The following GMPS variants were observed in gnomAD, a reference collection of about 807,000 sequenced individuals.
GMPS encodes guanosine monophosphate synthase, also known as GMP synthase [glutamine-hydrolyzing].
A neutral mutation model predicts 77.9 loss-of-function variants in GMPS; 15 were observed. The observed-to-expected ratio is 0.19, with a 90% CI of 0.13 to 0.30. The LOEUF is 0.30. GMPS is among the 10% of genes least tolerant of loss of function. The pLI, the probability that GMPS is intolerant of heterozygous loss-of-function variation, is 1.00. For missense variants in GMPS, 590 were observed against 838.8 expected, an observed-to-expected ratio of 0.70 and a Z score of 3.66; for synonymous variants, 224 against 275.9, an observed-to-expected ratio of 0.81 and a Z score of 1.86.
chr3:155,926,084 G>A (rs553019082), intron 12 of GMPS, among the ~76,000 whole-genome samples: 9 of 152,238 alleles, frequency 5.9e-5, no homozygotes, highest in African/African-American at 1.9e-4. Flanking sequence ...TGATCATGGC[G>A]TACTGTAGCC....
At position 155,940,452 on chromosome 3, in the gene GMPS, A is replaced by AG. The variant is rs3830519; in HGVS notation, c.*2760_*2761insG. On this transcript the variant is annotated 3_prime_UTR_variant, in exon 16 of 16. Coordinates refer to ENST00000496455, the MANE Select transcript of GMPS (RefSeq NM_003875.3). ...CATTTAGTCAAACAAGCATCATAAA[A>AG]TTTGTTTCCTCACTGTTTGGGCTTA... The AG allele has an allele frequency of 0.058, 12,213 of 210,922 alleles. 506 individuals carry two copies. Among genetic ancestry groups the AG allele is most frequent in the South Asian group, 0.17 (913 of 5,356 alleles). 13.1% of individuals were successfully genotyped at this position (210,922 alleles called of 1,614,324 possible).
At chr3:155,933,479 T>C (rs906544431) in intron 13 of GMPS, among the ~76,000 whole-genome samples, 31 of 152,188 alleles carry the variant, frequency 2.0e-4, no homozygotes, top group Admixed American at 2.0e-3. Flanking sequence ...CCTGTAAAGA[T>C]CTTTTATGAA....
intron 2 of GMPS, among the ~76,000 whole-genome samples, chr3:155,896,394 T>C (rs538989788): frequency 2.0e-5 from 3 of 152,320 alleles, no homozygotes; most frequent in Admixed American, 1.3e-4. Context: ...ATCTTAAATA[T>C]CATTTTTATC....
rs540531000 is a variant in GMPS at position 155,938,119 on chromosome 3, T to G, written c.*427T>G. 4.4e-6 allele frequency: 1 copy of G among 227,866 alleles called. No homozygotes were observed. The highest frequency in any genetic ancestry group is 5.6e-5 in the Admixed American group (1 of 17,850). The allele number at this position is 227,866 out of a possible 1,614,324, so 14.1% of individuals were successfully genotyped here. A position where few individuals can be genotyped will look rare whatever the true frequency, so the allele number is the denominator to read the frequency against. ...TTATATATACTTTTTGGAGAATCAGTTTTCTTATAAGTAATCTTATTTCTC... is the reference window on the plus strand; with the variant it reads ...TTATATATACTTTTTGGAGAATCAGGTTTCTTATAAGTAATCTTATTTCTC... On this transcript the variant is annotated 3_prime_UTR_variant, in exon 16 of 16. Coordinates refer to ENST00000496455, the MANE Select transcript of GMPS (RefSeq NM_003875.3).
chr3:155,882,901 T>C (rs1205288869), intron 1 of GMPS, among the ~76,000 whole-genome samples: 1 of 152,204 alleles, frequency 6.6e-6, no homozygotes, highest in Non-Finnish European at 1.5e-5. Context: ...TTTTCAGATT[T>C]TATTCATTAT....
intron 2 of GMPS, among the ~76,000 whole-genome samples, chr3:155,896,456 T>C (rs759322748): frequency 6.6e-6 from 1 of 152,206 alleles, no homozygotes; most frequent in Non-Finnish European, 1.5e-5. Flanking sequence ...CACTAACAAA[T>C]GTTTACCACA....
chr3:155,870,692 C>A lies in GMPS; in HGVS notation c.-179C>A, dbSNP rs963195542. 2 of 520,202 alleles carry A rather than the reference C, an allele frequency of 3.8e-6. No individual in the cohort carries two copies. The highest frequency in any genetic ancestry group is 6.8e-6 in the Non-Finnish European group (2 of 293,458). The allele number at this position is 520,202 out of a possible 1,614,324, so 32.2% of individuals were successfully genotyped here. A position where few individuals can be genotyped will look rare whatever the true frequency, so the allele number is the denominator to read the frequency against. On this transcript the variant is annotated 5_prime_UTR_variant, in exon 1 of 16. Coordinates refer to ENST00000496455, the MANE Select transcript of GMPS (RefSeq NM_003875.3). ...TCTTCTCTCCCGCGGCGCTGGGGCC[C>A]GCGCTCCGCTGCTGTTGCTCCATTC...
At position 155,925,289 on chromosome 3, in the gene GMPS, C is replaced by T. The variant is rs1755423865; in HGVS notation, c.1483C>T (p.Gln495Ter). 6.2e-7 allele frequency: 1 copy of T among 1,611,964 alleles called. No homozygotes were observed. Among genetic ancestry groups the T allele is most frequent in the Non-Finnish European group, 8.5e-7 (1 of 1,178,092 alleles). Reference protein sequence around the residue: ...RVKACTTEEDQEKLMQITSLH... With the variant: ...RVKACTTEED ...CAAAGCCTGCACAACAGAAGAGGAT[C>T]AGGAGAAGCTGATGCAAATTACCAG... The change falls in exon 12 of 16, where the codon CAG (glutamine) becomes TAG (stop). Residue 495 changes from glutamine (Q) to a stop codon, truncating the protein, a stop_gained. Coordinates refer to ENST00000496455, the MANE Select transcript of GMPS (RefSeq NM_003875.3). LOFTEE classifies it high-confidence loss of function.
At chr3:155,913,802 T>C (rs1157081258) in intron 7 of GMPS, among the ~76,000 whole-genome samples, 2 of 152,058 alleles carry the variant, frequency 1.3e-5, no homozygotes, top group East Asian at 3.9e-4. Flanking sequence ...ATTACAGGTG[T>C]GAGCCACCGT....
At chr3:155,917,626 G>A (rs979113255) in intron 9 of GMPS, among the ~76,000 whole-genome samples, 4 of 151,516 alleles carry the variant, frequency 2.6e-5, no homozygotes, top group Admixed American at 6.6e-5. Context: ...CATGCCTAGC[G>A]CTTTGGGAGG....
chr3:155,911,026 T>C, intron 6 of GMPS, 88 bp from the exon 7 acceptor site: 1 of 1,180,880 alleles, frequency 8.5e-7, no homozygotes, highest in South Asian at 1.5e-5. Context: ...TTGGTATAAA[T>C]AGCACTTTTA....
intron 7 of GMPS, 136 bp from the exon 8 acceptor site, chr3:155,914,283 A>G (rs1755114227): frequency 2.0e-6 from 1 of 510,300 alleles, no homozygotes. Flanking sequence ...TGAAATTTGT[A>G]GGCAGATTTA....
intron 10 of GMPS, among the ~76,000 whole-genome samples, chr3:155,921,315 A>G (rs1025546445): frequency 1.3e-5 from 2 of 152,180 alleles, no homozygotes; most frequent in African/African-American, 4.8e-5. Context: ...TTATTAGATT[A>G]TGTGTATATT....
intron 9 of GMPS, 59 bp downstream of exon 9, chr3:155,916,251 C>T: frequency 1.0e-6 from 1 of 971,946 alleles, no homozygotes; most frequent in Non-Finnish European, 1.6e-6. Flanking sequence ...TCCATTCTTC[C>T]CTCCTCTTCC....
intron 5 of GMPS, among the ~76,000 whole-genome samples, chr3:155,909,982 C>T (rs550260168): frequency 1.3e-5 from 2 of 151,914 alleles, no homozygotes; most frequent in South Asian, 2.1e-4. Flanking sequence ...CAGTGGCTCA[C>T]GCCTGTAATC....
At chr3:155,891,601 T>C (rs1296597981) in intron 1 of GMPS, among the ~76,000 whole-genome samples, 1 of 147,780 alleles carries the variant, frequency 6.8e-6, no homozygotes, top group Admixed American at 6.8e-5. Context: ...GATTTGTTTG[T>C]TACTTTTTTT....
In GMPS at chr3:155,937,838, A is replaced by T; in HGVS notation, c.*146A>T. The stretch of plus-strand genomic sequence containing the variant: ...CCACAGCAAAAATCTACGGCTTAAG[A>T]GCTGAGTTGGGGATAACCAAAAGGG... On this transcript the variant is annotated 3_prime_UTR_variant, in exon 16 of 16. Transcript: ENST00000496455. 1 of 588,116 alleles carries T rather than the reference A, an allele frequency of 1.7e-6. No individual in the cohort carries two copies. 36.4% of individuals were successfully genotyped at this position (588,116 alleles called of 1,614,324 possible). A position where few individuals can be genotyped will look rare whatever the true frequency, so the allele number is the denominator to read the frequency against.
intron 1 of GMPS, among the ~76,000 whole-genome samples, chr3:155,874,335 T>C (rs533693202): frequency 6.6e-6 from 1 of 152,306 alleles, no homozygotes; most frequent in African/African-American, 2.4e-5. Context: ...GAAAGATGTT[T>C]TATAAACTCT....
intron 1 of GMPS, among the ~76,000 whole-genome samples, chr3:155,887,688 T>C (rs1754368641): frequency 6.6e-6 from 1 of 152,204 alleles, no homozygotes; most frequent in South Asian, 2.1e-4. Flanking sequence ...TTAACTTTCT[T>C]GGATGTGATA....
Sources: gnomAD v4.1 joint callset for allele counts (sites outside exome capture counted in the v4.1 genomes callset) on GRCh38, gnomAD v4.1.1 for gene constraint, MANE v1.5 for transcripts, NCBI Gene and HGNC (gene_info 2026-07-23, HGNC 2026-07-21) for gene names.